PDE1A: variants seen among roughly 807,000 people sequenced by gnomAD.
PDE1A encodes the protein dual specificity calcium/calmodulin-dependent 3',5'-cyclic nucleotide phosphodiesterase 1A.
PDE1A carries 35 observed loss-of-function variants against 61.7 expected under a neutral mutation model. That is an observed-to-expected ratio of 0.57 (90% CI 0.43 to 0.75). PDE1A has a LOEUF of 0.75. PDE1A is among the 30% of genes least tolerant of loss of function. PDE1A has a pLI of 0.00. For missense variants in PDE1A, 597 were observed against 630.6 expected, an observed-to-expected ratio of 0.95 and a Z score of 0.57; for synonymous variants, 232 against 213.2, an observed-to-expected ratio of 1.09 and a Z score of -0.77.
intron 1 of PDE1A, among the ~76,000 whole-genome samples, chr2:182,268,562 G>A (rs2125806643): frequency 6.6e-6 from 1 of 151,968 alleles, no homozygotes; most frequent in South Asian, 2.1e-4. Context: ...CAAACAATGT[G>A]GTCAAATGTC....
At chr2:182,621,484 T>C in the PDE1A span, among the ~76,000 whole-genome samples, 7 of 152,102 alleles carry the variant, frequency 4.6e-5, no homozygotes, top group Admixed American at 4.6e-4. Context: ...TATCACACTC[T>C]CCTCAGGAGG....
intron 1 of PDE1A, among the ~76,000 whole-genome samples, chr2:182,329,395 A>ATT (rs955401484): frequency 6.0e-5 from 9 of 148,918 alleles, no homozygotes; most frequent in Non-Finnish European, 9.0e-5. Context: ...TTATTTTATT[A>ATT]TTTTTTTTTT....
chr2:182,184,283 T>G (rs1173540313), intron 13 of PDE1A, among the ~76,000 whole-genome samples: 1 of 151,022 alleles, frequency 6.6e-6, no homozygotes, highest in Non-Finnish European at 1.5e-5. Flanking sequence ...GACCTAGATA[T>G]ATCATCATCA....
chr2:182,241,014 G>A (rs1690461885), intron 2 of PDE1A, among the ~76,000 whole-genome samples: 2 of 152,220 alleles, frequency 1.3e-5, no homozygotes, highest in African/African-American at 2.4e-5. Context: ...CCCAGTGAGT[G>A]AGGTAGTGAA....
rs35067674 is a variant in PDE1A at position 182,503,040 on chromosome 2, TACACAC to T, written c.101+19230_101+19235del. On this transcript the variant is annotated intron_variant, in intron 2 of 14. Coordinates refer to the PDE1A transcript ENST00000410103. Reference sequence around the variant, plus strand: ...CTCTCTCCCCCTCCCCATTCTTTCTTACACACACACACACACACACACACACACACA... The same window carrying T: ...CTCTCTCCCCCTCCCCATTCTTTCTTACACACACACACACACACACACACA... Among the ~76,000 whole-genome samples, 364 of 97,006 alleles carry T rather than the reference TACACAC, an allele frequency of 3.8e-3. 1 individual carries two copies. Among genetic ancestry groups the T allele is most frequent in the African/African-American group, 0.011 (334 of 31,422 alleles). 63.6% of individuals were successfully genotyped at this position (97,006 alleles called of 152,430 possible). A position where few individuals can be genotyped will look rare whatever the true frequency, so the allele number is the denominator to read the frequency against.
At chr2:182,172,320 C>G (rs1692299069) in intron 13 of PDE1A, among the ~76,000 whole-genome samples, 1 of 151,844 alleles carries the variant, frequency 6.6e-6, no homozygotes, top group African/African-American at 2.4e-5. Flanking sequence ...GTTCTGCTCT[C>G]AAGAAAAAAA....
At chr2:182,165,688 A>T (rs575973902), downstream of PDE1A, among the ~76,000 whole-genome samples, 2 of 152,294 alleles carry the variant, frequency 1.3e-5, no homozygotes, top group African/African-American at 4.8e-5. Context: ...TACTGAAGGC[A>T]ATACAGAATA....
chr2:182,154,501 A>C (rs1690955417), intron 13 of PDE1A, among the ~76,000 whole-genome samples: 1 of 152,156 alleles, frequency 6.6e-6, no homozygotes, highest in African/African-American at 2.4e-5. Context: ...TGTGAAGGGC[A>C]GGGCCAGGTG....
chr2:182,144,806 T>C (rs1430650629), downstream of PDE1A, among the ~76,000 whole-genome samples: 1 of 152,182 alleles, frequency 6.6e-6, no homozygotes, highest in African/African-American at 2.4e-5. Flanking sequence ...TCAAAAAACT[T>C]TGGGCCAATA....
the PDE1A span, among the ~76,000 whole-genome samples, chr2:182,587,143 A>G: frequency 3.3e-5 from 5 of 152,318 alleles, no homozygotes; most frequent in Non-Finnish European, 5.9e-5. Flanking sequence ...GCAGGTCAGC[A>G]TTATTGGGGC....
chr2:182,635,218 G>A, the PDE1A span, among the ~76,000 whole-genome samples: 1 of 151,328 alleles, frequency 6.6e-6, no homozygotes, highest in Admixed American at 6.6e-5. Context: ...TAATACCATT[G>A]ATTTAATGTA....
chr2:182,540,848 T>C, the PDE1A span, among the ~76,000 whole-genome samples: 1 of 152,298 alleles, frequency 6.6e-6, no homozygotes, highest in African/African-American at 2.4e-5. Flanking sequence ...GTACTTGTAT[T>C]ACCGTATGTT....
At chr2:182,663,522 G>A in the PDE1A span, among the ~76,000 whole-genome samples, 4 of 152,150 alleles carry the variant, frequency 2.6e-5, no homozygotes, top group African/African-American at 7.2e-5. Context: ...GTCCTTTGCA[G>A]GAACATGCAT....
At chr2:182,610,294 G>A in the PDE1A span, among the ~76,000 whole-genome samples, 2 of 152,142 alleles carry the variant, frequency 1.3e-5, no homozygotes, top group Non-Finnish European at 2.9e-5. Context: ...TCCTTCTGAA[G>A]TCTCTTTTGT....
intron 2 of PDE1A, among the ~76,000 whole-genome samples, chr2:182,435,134 A>G (rs1437506997): frequency 1.3e-5 from 2 of 152,054 alleles, no homozygotes; most frequent in African/African-American, 2.4e-5. Flanking sequence ...GTAGTGTAAC[A>G]TTATATGAAA....
chr2:182,600,686 T>C, the PDE1A span, among the ~76,000 whole-genome samples: 3 of 152,234 alleles, frequency 2.0e-5, no homozygotes, highest in South Asian at 2.1e-4. Context: ...CAGCCATGCA[T>C]TGAAATACAT....
rs547362290 is a variant in PDE1A, at chr2:182,205,575, A to C, written c.902+365T>G. 1.9e-3 allele frequency among the ~76,000 whole-genome samples: 289 copies of C among 152,360 alleles called. 2 individuals are homozygous for C. Among genetic ancestry groups the C allele is most frequent in the Non-Finnish European group, 3.4e-3 (230 of 68,024 alleles). On this transcript the variant is annotated intron_variant, in intron 8 of 13. Transcript: ENST00000351439. Reference sequence around the variant, plus strand: ...ACTCCACATCTTTTAAAAAAAATATATGAAAGAATGAATATAATGCCAAAA... The same window carrying C: ...ACTCCACATCTTTTAAAAAAAATATCTGAAAGAATGAATATAATGCCAAAA...
At chr2:182,337,237 C>T (rs1260324785) in intron 1 of PDE1A, among the ~76,000 whole-genome samples, 1 of 151,872 alleles carries the variant, frequency 6.6e-6, no homozygotes, top group Non-Finnish European at 1.5e-5. Flanking sequence ...AAGATTGTGA[C>T]TTTCAAAGGA....
chr2:182,525,638 G>A (rs1326938213), upstream of PDE1A, among the ~76,000 whole-genome samples: 5 of 152,094 alleles, frequency 3.3e-5, no homozygotes, highest in Non-Finnish European at 7.3e-5. Context: ...GGCCTCCCCA[G>A]AAGCAGCTAT....
Sources: allele counts gnomAD v4.1 joint callset (sites outside exome capture counted in the v4.1 genomes callset), GRCh38; gene constraint gnomAD v4.1.1; transcripts MANE v1.5; gene names NCBI Gene and HGNC (gene_info 2026-07-23, HGNC 2026-07-21).